The following POU6F2 variants were observed in gnomAD, a reference collection of about 807,000 sequenced individuals.
POU6F2 encodes the protein POU domain, class 6, transcription factor 2.
POU6F2 carries 31 observed loss-of-function variants against 71.3 expected under a neutral mutation model. That is an observed-to-expected ratio of 0.43 (90% CI 0.33 to 0.59). The LOEUF is 0.59. POU6F2 is among the 20% of genes least tolerant of loss of function. The pLI is 0.04. For missense variants in POU6F2, 783 were observed against 856.8 expected (o/e 0.91, Z 1.07); for synonymous variants, 347 against 355.7 (o/e 0.98, Z 0.27).
In POU6F2 at chr7:39,055,925, T is replaced by C. The variant is rs149316393; in HGVS notation, c.106-29935T>C. Among the ~76,000 whole-genome samples, 254 of 152,242 alleles carry C rather than the reference T, an allele frequency of 1.7e-3. 1 individual carries two copies. The highest frequency in any genetic ancestry group is 5.6e-3 in the African/African-American group (234 of 41,564). ...TAGAAAATGTTATTAAAGCATACTT[T>C]ATTATTTCCTAATTTTTTGTTCTTT... is the stretch of plus-strand genomic sequence containing the variant. On this transcript the variant is annotated intron_variant, in intron 1 of 9. Coordinates refer to ENST00000518318, the MANE Select transcript of POU6F2 (RefSeq NM_001370959.1).
At chr7:39,038,325 G>A (rs1307583845) in intron 1 of POU6F2, among the ~76,000 whole-genome samples, 1 of 151,926 alleles carries the variant, frequency 6.6e-6, no homozygotes, top group Non-Finnish European at 1.5e-5. Flanking sequence ...TGTTTCAGGG[G>A]AAAATTAAGC....
chr7:39,457,106 G>A (rs1288575040), intron 8 of POU6F2, among the ~76,000 whole-genome samples: 3 of 152,216 alleles, frequency 2.0e-5, no homozygotes, highest in Non-Finnish European at 4.4e-5. Flanking sequence ...TACGGATTTA[G>A]TTGATAGACT....
chr7:39,452,089 T>C (rs1490654683), intron 8 of POU6F2, among the ~76,000 whole-genome samples: 1 of 152,180 alleles, frequency 6.6e-6, no homozygotes, highest in Non-Finnish European at 1.5e-5. Flanking sequence ...GCTGCTTTTA[T>C]GTGTGTTTGA....
intron 4 of POU6F2, among the ~76,000 whole-genome samples, chr7:39,211,970 G>A (rs1157319432): frequency 6.6e-6 from 1 of 151,324 alleles, no homozygotes; most frequent in East Asian, 1.9e-4. Flanking sequence ...GTACCTGTCA[G>A]GAACTCTCCA....
chr7:39,150,225 CTG>C (rs60761447), intron 2 of POU6F2, among the ~76,000 whole-genome samples: 33 of 141,238 alleles, frequency 2.3e-4, no homozygotes, highest in Middle Eastern at 3.6e-3. Context: ...AGTAATATGT[CTG>C]TGTGTGTGTG....
intron 2 of POU6F2, among the ~76,000 whole-genome samples, chr7:39,096,857 G>C (rs1190154502): frequency 6.6e-6 from 1 of 152,138 alleles, no homozygotes. Context: ...ATAATGTAAA[G>C]CTTTTAGTTT....
Position 39,332,637 on chromosome 7 carries a change from T to C in POU6F2, c.599-7005T>C, listed in dbSNP as rs1185277071. ...CATTGGTCCTCTGATTTTAGCTATATAGTTTTGCTATTGAGAGGTATGATA... is the reference window on the plus strand; with the variant it reads ...CATTGGTCCTCTGATTTTAGCTATACAGTTTTGCTATTGAGAGGTATGATA... On this transcript the variant is annotated intron_variant, in intron 4 of 9. Coordinates refer to ENST00000518318, the MANE Select transcript of POU6F2 (RefSeq NM_001370959.1). Among the ~76,000 whole-genome samples the C allele has an allele frequency of 3.3e-5, 5 of 152,208 alleles. No homozygotes were observed. In the Middle Eastern group the frequency reaches 9.5e-3, roughly 289 times the overall value.
intron 5 of POU6F2, among the ~76,000 whole-genome samples, chr7:39,364,270 T>G (rs1786452320): frequency 6.6e-6 from 1 of 152,070 alleles, no homozygotes; most frequent in African/African-American, 2.4e-5. Flanking sequence ...CTTTTTTTTT[T>G]TTTTTATTTC....
chr7:39,167,312 C>T (rs190712487), intron 2 of POU6F2, among the ~76,000 whole-genome samples: 148 of 152,276 alleles, frequency 9.7e-4, no homozygotes, highest in African/African-American at 3.4e-3. Flanking sequence ...TAGCAGTGCT[C>T]ACTGTTTAAC....
intron 2 of POU6F2, among the ~76,000 whole-genome samples, chr7:39,110,314 A>T (rs1008250072): frequency 6.6e-6 from 1 of 151,170 alleles, no homozygotes. Context: ...TCTTATAATT[A>T]TATGAATTAT....
intron 4 of POU6F2, among the ~76,000 whole-genome samples, chr7:39,219,581 A>T (rs1794309278): frequency 6.6e-6 from 1 of 152,136 alleles, no homozygotes; most frequent in African/African-American, 2.4e-5. Context: ...TTCTGAAACA[A>T]TTTCCCTTGA....
intron 1 of POU6F2, among the ~76,000 whole-genome samples, chr7:39,074,906 C>G (rs930777441): frequency 1.3e-5 from 2 of 152,170 alleles, no homozygotes; most frequent in African/African-American, 4.8e-5. Context: ...AATCTGCTAA[C>G]CCATCCATCC....
At chr7:39,195,276 C>A (rs1348993059) in intron 2 of POU6F2, among the ~76,000 whole-genome samples, 1 of 152,154 alleles carries the variant, frequency 6.6e-6, no homozygotes, top group African/African-American at 2.4e-5. Flanking sequence ...CAGGAAGAAC[C>A]ACTGTCTTCT....
chr7:39,408,669 G>T (rs1787488281), intron 6 of POU6F2, among the ~76,000 whole-genome samples: 1 of 152,192 alleles, frequency 6.6e-6, no homozygotes. Context: ...CATTCACAGA[G>T]AAATCAATAA....
At chr7:39,408,819 G>A (rs952089142) in intron 6 of POU6F2, among the ~76,000 whole-genome samples, 21 of 152,114 alleles carry the variant, frequency 1.4e-4, no homozygotes, top group Non-Finnish European at 2.8e-4. Context: ...GATATGGTTG[G>A]TTTTGTTTGT....
chr7:39,277,397 C>G (rs185751579), intron 4 of POU6F2, among the ~76,000 whole-genome samples: 124 of 152,180 alleles, frequency 8.1e-4, no homozygotes, highest in Admixed American at 1.4e-3. Context: ...AGCCCTTGCC[C>G]CCCTCCCTCT....
chr7:39,199,589 T>C (rs1399180347), intron 2 of POU6F2, among the ~76,000 whole-genome samples: 2 of 151,802 alleles, frequency 1.3e-5, no homozygotes, highest in Non-Finnish European at 2.9e-5. Flanking sequence ...TTGAGCTGGG[T>C]GGAGAGAATG....
At chr7:39,336,378 C>T (rs941054894) in intron 4 of POU6F2, among the ~76,000 whole-genome samples, 4 of 152,162 alleles carry the variant, frequency 2.6e-5, no homozygotes, top group African/African-American at 9.7e-5. Flanking sequence ...TTATTCTGGA[C>T]ATTTCATATG....
chr7:39,306,277 C>G (rs566922751), intron 4 of POU6F2, among the ~76,000 whole-genome samples: 1 of 152,194 alleles, frequency 6.6e-6, no homozygotes, highest in African/African-American at 2.4e-5. Context: ...TTCCAACAGC[C>G]GTGGTGGCAT....
Sources: gnomAD v4.1 joint callset for allele counts (sites outside exome capture counted in the v4.1 genomes callset) on GRCh38, gnomAD v4.1.1 for gene constraint, MANE v1.5 for transcripts, NCBI Gene and HGNC (gene_info 2026-07-23, HGNC 2026-07-21) for gene names.